DFFB: variants seen among roughly 807,000 people sequenced by gnomAD.
DFFB encodes the protein DNA fragmentation factor subunit beta, also known as DNA fragmentation factor 40 kDa subunit.
In DFFB, 29 loss-of-function variants were observed where a neutral mutation model predicts 32.7. That is an observed-to-expected ratio of 0.89 (90% CI 0.66 to 1.21). DFFB has a LOEUF of 1.21. Ranked by LOEUF, DFFB falls within the 50% of genes most tolerant of loss-of-function variation. The pLI, the probability that DFFB is intolerant of heterozygous loss-of-function variation, is 0.00. For synonymous variants in DFFB, 170 were observed against 177.1 expected, an observed-to-expected ratio of 0.96 and a Z score of 0.32; for missense variants, 398 against 440.6, an observed-to-expected ratio of 0.90 and a Z score of 0.87.
In DFFB at chr1:3,858,776, A is replaced by G; in HGVS notation, c.173A>G (p.Asp58Gly). 1 of 1,614,116 alleles carries G rather than the reference A, an allele frequency of 6.2e-7. No individual in the cohort carries two copies. Among genetic ancestry groups the G allele is most frequent in the South Asian group, 1.1e-5 (1 of 91,086 alleles). Reference protein sequence around the residue: ...LYEDGTELTEDYFPSVPDNAE... With the variant: ...LYEDGTELTEGYFPSVPDNAE... ...GAGGATGGCACGGAGCTGACGGAAG[A>G]TTACTTCCCCAGTGTTCCCGACAAC... Residue 58 changes from aspartate to glycine, a missense_variant, in exon 2 of 7, where the codon GAT (aspartate) becomes GGT (glycine). Transcript: ENST00000378209.
rs1004392742 is a variant in DFFB at position 3,865,503 on chromosome 1, A to G, written c.242-309A>G. ...GAAAGCAAGGTCTCCAGGAAGGGCC[A>G]AAGTGGGGGGCGTATGGTTTGGAGG... On this transcript the variant is annotated intron_variant, in intron 2 of 6. Transcript: ENST00000378209. The surrounding 1 kb of genome is among the most constrained non-coding windows in gnomAD (Gnocchi z 4.7). 3.8e-6 allele frequency: 2 copies of G among 522,220 alleles called. No homozygotes were observed. Among genetic ancestry groups the G allele is most frequent in the Non-Finnish European group, 7.0e-6 (2 of 287,750 alleles). 32.3% of individuals were successfully genotyped at this position (522,220 alleles called of 1,614,324 possible).
intron 6 of DFFB, among the ~76,000 whole-genome samples, chr1:3,878,015 G>A (rs1645259184): frequency 6.6e-6 from 1 of 152,170 alleles, no homozygotes; most frequent in Non-Finnish European, 1.5e-5. Flanking sequence ...GCCAGCCGCA[G>A]CTTGAACCTC....
rs771995734 is a variant in DFFB, at chr1:3,865,796, G to A, written c.242-16G>A. ...TCTGCTGGACCGGCACCTTTTGTTT[G>A]TCCCATTGGTGGCAGATGTGAGCGA... is the stretch of plus-strand genomic sequence containing the variant. On this transcript the variant is annotated splice_polypyrimidine_tract_variant and intron_variant, in intron 2 of 6. Coordinates refer to ENST00000378209, the MANE Select transcript of DFFB (RefSeq NM_004402.4). The surrounding 1 kb of genome is among the most constrained non-coding windows in gnomAD (Gnocchi z 4.7). The A allele has an allele frequency of 6.2e-7, 1 of 1,614,096 alleles. No individual in the cohort carries two copies. The highest frequency in any genetic ancestry group is 1.1e-5 in the South Asian group (1 of 91,082).
At chr1:3,872,723 C>A in intron 6 of DFFB, 151 bp downstream of exon 6, 1 of 770,266 alleles carries the variant, frequency 1.3e-6, no homozygotes, top group Non-Finnish European at 2.1e-6. Flanking sequence ...ACCCGTGTTA[C>A]AGCCCAGGGA....
chr1:3,883,554 A>G lies in DFFB; in HGVS notation c.830A>G (p.Lys277Arg), dbSNP rs12564400. 479 of 1,614,224 alleles carry G rather than the reference A, an allele frequency of 3.0e-4. 3 individuals carry two copies. The East Asian group carries it at 8.8e-3, about 30-fold the overall frequency. The change falls in exon 7 of 7, where the codon AAG (lysine) becomes AGG (arginine). Residue 277 changes from lysine to arginine, a missense_variant. Transcript: ENST00000378209. ...ATTCCTACACTGGTGGAAGCAATTA[A>G]GGAACAAGATGGAAGAGAAGTGGAC... ...TIIPTLVEAI[K>R]EQDGREVDWE...
At chr1:3,864,002 C>G (rs1039099336) in intron 2 of DFFB, among the ~76,000 whole-genome samples, 2 of 152,056 alleles carry the variant, frequency 1.3e-5, no homozygotes, top group African/African-American at 4.8e-5. Flanking sequence ...AAGTCTTGCT[C>G]TCTCCCCAGG....
chr1:3,858,941 C>A, intron 2 of DFFB, 97 bp downstream of exon 2: 2 of 1,524,170 alleles, frequency 1.3e-6, no homozygotes, highest in African/African-American at 1.4e-5. Flanking sequence ...GGAAGAGTCC[C>A]CCTTACTGTG....
At chr1:3,861,638 G>A (rs1315645746) in intron 2 of DFFB, among the ~76,000 whole-genome samples, 1 of 152,188 alleles carries the variant, frequency 6.6e-6, no homozygotes, top group Non-Finnish European at 1.5e-5. Context: ...ATGTTGCCCA[G>A]GGTGGCCTAT....
rs923637842 is a variant in DFFB, at chr1:3,885,206, C to T, written c.*1465C>T. The T allele has an allele frequency of 3.9e-5, 6 of 152,242 alleles. No individual in the cohort carries two copies. The highest frequency in any genetic ancestry group is 4.1e-4 in the South Asian group (2 of 4,820). 9.4% of individuals were successfully genotyped at this position (152,242 alleles called of 1,614,324 possible). A position where few individuals can be genotyped will look rare whatever the true frequency, so the allele number is the denominator to read the frequency against. On this transcript the variant is annotated 3_prime_UTR_variant, in exon 7 of 7. Coordinates refer to ENST00000378209, the MANE Select transcript of DFFB (RefSeq NM_004402.4). ...CACAGAGACGGTCTGGAAGGAAACACGCGGATCTGAACAGCAGTAATCCTG... is the reference window on the plus strand; with the variant it reads ...CACAGAGACGGTCTGGAAGGAAACATGCGGATCTGAACAGCAGTAATCCTG...
At chr1:3,867,020 C>T (rs574653698) in intron 3 of DFFB, among the ~76,000 whole-genome samples, 10 of 152,294 alleles carry the variant, frequency 6.6e-5, no homozygotes, top group South Asian at 2.1e-4. Context: ...CTCAGCCTCC[C>T]GAGTAGCTGG....
intron 1 of DFFB, 87 bp from the exon 2 acceptor site, chr1:3,858,631 C>A: frequency 6.6e-7 from 1 of 1,507,992 alleles, no homozygotes; most frequent in Non-Finnish European, 9.0e-7. Context: ...TTAAGCACAG[C>A]TCATTCCGGT....
intron 2 of DFFB, among the ~76,000 whole-genome samples, chr1:3,862,874 G>C (rs1032836414): frequency 2.0e-5 from 3 of 152,170 alleles, no homozygotes; most frequent in African/African-American, 7.2e-5. Flanking sequence ...TCTGGCCCGG[G>C]CACGGTGGCT....
Position 3,875,692 on chromosome 1 carries a change from G to A in DFFB, c.782+3120G>A, listed in dbSNP as rs534187850. ...TCTTCTGTGTTTCTTTCCTTTGCTC[G>A]TTCTCTCTTGGGCTATGGTCTTATT... On this transcript the variant is annotated intron_variant, in intron 6 of 6. Coordinates refer to ENST00000378209, the MANE Select transcript of DFFB (RefSeq NM_004402.4). Among the ~76,000 whole-genome samples the A allele has an allele frequency of 5.9e-5, 9 of 152,134 alleles. No homozygotes were observed. In the South Asian group the frequency reaches 1.7e-3, roughly 28 times the overall value.
rs927393456 is a variant in DFFB, at chr1:3,858,792, T to C, written c.189T>C (p.Val63=). Residue 63 remains valine, a synonymous_variant, in exon 2 of 7, where the codon GTT becomes GTC. Coordinates refer to ENST00000378209, the MANE Select transcript of DFFB (RefSeq NM_004402.4). ...TGACGGAAGATTACTTCCCCAGTGTTCCCGACAACGCCGAGCTGGTGCTGC... is the reference window on the plus strand; with the variant it reads ...TGACGGAAGATTACTTCCCCAGTGTCCCCGACAACGCCGAGCTGGTGCTGC... ...TELTEDYFPS[V]PDNAELVLLT... 2 of 1,614,088 alleles carry C rather than the reference T, an allele frequency of 1.2e-6. No individual in the cohort carries two copies. The highest frequency in any genetic ancestry group is 3.3e-5 in the Admixed American group (2 of 60,010).
At chr1:3,881,742 C>G (rs71503074) in intron 6 of DFFB, among the ~76,000 whole-genome samples, 1 of 151,922 alleles carries the variant, frequency 6.6e-6, no homozygotes, top group Non-Finnish European at 1.5e-5. Context: ...TGGTGGCGCA[C>G]GCCTGTAATC....
chr1:3,865,612 T>A lies in DFFB; in HGVS notation c.242-200T>A. ...GCACACCCTGCCCCTCCCTCCTCTG[T>A]CCTCATGCCGCCCTTGTGCGTGGTC... On this transcript the variant is annotated intron_variant, in intron 2 of 6. Transcript: ENST00000378209. The surrounding 1 kb of genome is among the most constrained non-coding windows in gnomAD (Gnocchi z 4.7). 1.3e-6 allele frequency: 1 copy of A among 767,610 alleles called. No homozygotes were observed. The highest frequency in any genetic ancestry group is 2.3e-6 in the Non-Finnish European group (1 of 434,368). The allele number at this position is 767,610 out of a possible 1,614,324, so 47.5% of individuals were successfully genotyped here.
chr1:3,873,369 G>T (rs1453832301), intron 6 of DFFB, among the ~76,000 whole-genome samples: 2 of 152,152 alleles, frequency 1.3e-5, no homozygotes, highest in Non-Finnish European at 2.9e-5. Context: ...TACAGGATGA[G>T]CATCCCTAAT....
intron 6 of DFFB, among the ~76,000 whole-genome samples, chr1:3,873,979 T>C (rs1015441254): frequency 5.3e-5 from 8 of 152,118 alleles, no homozygotes; most frequent in Non-Finnish European, 7.4e-5. Context: ...ACCCTGTCCA[T>C]ACTCAGCCTC....
intron 3 of DFFB, chr1:3,866,327 C>T (rs1235160610): frequency 4.9e-6 from 2 of 404,290 alleles, no homozygotes; most frequent in South Asian, 3.7e-5. Context: ...CAACCTCTGC[C>T]TCCCTGCACC....
Sources: gnomAD v4.1 joint callset for allele counts (sites outside exome capture counted in the v4.1 genomes callset) on GRCh38, gnomAD v4.1.1 for gene constraint, Gnocchi (gnomAD v3.1) non-coding constraint, MANE v1.5 for transcripts, NCBI Gene and HGNC (gene_info 2026-07-23, HGNC 2026-07-21) for gene names.